Variants in DLG2 observed in about 807,000 individuals in gnomAD.
DLG2 encodes the protein disks large homolog 2.
Under a neutral mutation model 132.5 loss-of-function variants are expected in DLG2, and 45 were observed. The ratio of observed to expected loss-of-function variants is 0.34; its 90% CI spans 0.27 to 0.44. The LOEUF is 0.44. Among genes scored for constraint, DLG2 ranks in the 20% least tolerant of loss-of-function variants. The pLI, the probability that DLG2 is intolerant of heterozygous loss-of-function variation, is 1.00. For synonymous variants in DLG2, 424 were observed against 419.6 expected, an observed-to-expected ratio of 1.01 and a Z score of -0.13; for missense variants, 1,045 against 1,196.9, an observed-to-expected ratio of 0.87 and a Z score of 1.87.
chr11:84,403,192 T>C (rs912277474), intron 7 of DLG2, among the ~76,000 whole-genome samples: 1 of 152,094 alleles, frequency 6.6e-6, no homozygotes, highest in Non-Finnish European at 1.5e-5. Flanking sequence ...TAAAATACAG[T>C]CCATTTGGGA....
At chr11:83,721,891 G>A (rs993970621) in intron 18 of DLG2, among the ~76,000 whole-genome samples, 1 of 152,098 alleles carries the variant, frequency 6.6e-6, no homozygotes, top group African/African-American at 2.4e-5. Context: ...TTACATTGAA[G>A]AACTCTTGTA....
chr11:83,669,464 T>C (rs2076458400), intron 18 of DLG2, among the ~76,000 whole-genome samples: 1 of 152,162 alleles, frequency 6.6e-6, no homozygotes, highest in Non-Finnish European at 1.5e-5. Context: ...AATGTATACA[T>C]ATATTATAGA....
intron 16 of DLG2, among the ~76,000 whole-genome samples, chr11:83,866,529 T>C (rs936086395): frequency 3.3e-5 from 5 of 152,092 alleles, no homozygotes; most frequent in Non-Finnish European, 5.9e-5. Context: ...TTAATAACTG[T>C]GAGTACTGAT....
At chr11:85,488,337 C>T (rs928566870) in intron 3 of DLG2, among the ~76,000 whole-genome samples, 1 of 151,514 alleles carries the variant, frequency 6.6e-6, no homozygotes, top group Non-Finnish European at 1.5e-5. Context: ...TGCAGTGAGC[C>T]GAGATCGCAC....
At chr11:84,443,854 T>G (rs939108961) in intron 7 of DLG2, among the ~76,000 whole-genome samples, 1 of 152,142 alleles carries the variant, frequency 6.6e-6, no homozygotes, top group Non-Finnish European at 1.5e-5. Flanking sequence ...TCATGTTTTG[T>G]CATACAGAGC....
intron 6 of DLG2, among the ~76,000 whole-genome samples, chr11:84,835,774 T>C (rs896239871): frequency 6.6e-6 from 1 of 151,808 alleles, no homozygotes; most frequent in Non-Finnish European, 1.5e-5. Context: ...TTATATTAAA[T>C]ATATTTTAAT....
intron 4 of DLG2, among the ~76,000 whole-genome samples, chr11:85,181,531 T>C (rs2079703358): frequency 6.6e-6 from 1 of 151,860 alleles, no homozygotes; most frequent in South Asian, 2.1e-4. Flanking sequence ...ATAATTGCAG[T>C]TCTCCTTTTA....
intron 6 of DLG2, among the ~76,000 whole-genome samples, chr11:84,882,693 CA>C (rs2087545175): frequency 1.3e-5 from 2 of 152,070 alleles, no homozygotes; most frequent in Non-Finnish European, 2.9e-5. Context: ...TATTCACTTA[CA>C]TGAAGTAATG....
chr11:84,620,858 T>G (rs2099612608), intron 6 of DLG2, among the ~76,000 whole-genome samples: 1 of 152,136 alleles, frequency 6.6e-6, no homozygotes, highest in Admixed American at 6.5e-5. Context: ...CTAAGGAAAC[T>G]TGTGTACTGA....
At chr11:84,268,356 T>G (rs1276443322) in intron 7 of DLG2, among the ~76,000 whole-genome samples, 1 of 152,190 alleles carries the variant, frequency 6.6e-6, no homozygotes, top group Non-Finnish European at 1.5e-5. Flanking sequence ...CTTCTTACTC[T>G]AATGAGGTGG....
At position 84,549,550 on chromosome 11, in the gene DLG2, C is replaced by A. The variant is rs988009446; in HGVS notation, c.358-14819G>T. Among the ~76,000 whole-genome samples, 8 of 152,106 alleles carry A rather than the reference C, an allele frequency of 5.3e-5. No individual in the cohort carries two copies. The East Asian group carries it at 1.2e-3, about 22-fold the overall frequency. On this transcript the variant is annotated intron_variant, in intron 6 of 27. Transcript: ENST00000376104. ...TGCAGCTCAGTTCCTGGGTTTAAAT[C>A]CTGTTCCTGCACCAACCAGCAGTGC...
intron 4 of DLG2, among the ~76,000 whole-genome samples, chr11:85,250,372 G>A (rs2076339107): frequency 6.6e-6 from 1 of 152,038 alleles, no homozygotes; most frequent in Non-Finnish European, 1.5e-5. Flanking sequence ...CAACATATAT[G>A]CTTATTCTTT....
intron 14 of DLG2, among the ~76,000 whole-genome samples, chr11:83,948,614 GAAAAA>G (rs3040355): frequency 6.7e-6 from 1 of 148,174 alleles, no homozygotes; most frequent in African/African-American, 2.5e-5. Context: ...TGTAGTACTG[GAAAAA>G]AAAAAAAAAG....
intron 6 of DLG2, among the ~76,000 whole-genome samples, chr11:84,781,899 G>C (rs1406675469): frequency 1.3e-5 from 2 of 152,068 alleles, no homozygotes; most frequent in African/African-American, 4.8e-5. Flanking sequence ...GCAGAGGGCA[G>C]GGTCTAAGAC....
intron 11 of DLG2, among the ~76,000 whole-genome samples, chr11:84,038,584 A>G (rs764257864): frequency 5.3e-5 from 8 of 152,020 alleles, no homozygotes; most frequent in Non-Finnish European, 1.2e-4. Context: ...AGAAAAACTA[A>G]ATTTTCTTCC....
At chr11:84,124,597 A>G (rs1157832047) in intron 9 of DLG2, among the ~76,000 whole-genome samples, 2 of 152,110 alleles carry the variant, frequency 1.3e-5, no homozygotes, top group Non-Finnish European at 2.9e-5. Flanking sequence ...TCTCCTTCCC[A>G]TTTTCTCTCT....
At chr11:84,868,073 C>T (rs952769450) in intron 6 of DLG2, among the ~76,000 whole-genome samples, 22 of 148,186 alleles carry the variant, frequency 1.5e-4, no homozygotes, top group African/African-American at 5.2e-4. Flanking sequence ...GGTTCCGTCT[C>T]AAAATAATAA....
intron 7 of DLG2, among the ~76,000 whole-genome samples, chr11:84,530,758 C>G (rs1004512059): frequency 6.6e-6 from 1 of 152,150 alleles, no homozygotes; most frequent in Non-Finnish European, 1.5e-5. Flanking sequence ...TTCGACCAAG[C>G]AATCTCATTA....
intron 6 of DLG2, among the ~76,000 whole-genome samples, chr11:84,849,892 CAT>C (rs1023070298): frequency 6.6e-6 from 1 of 152,072 alleles, no homozygotes; most frequent in African/African-American, 2.4e-5. Context: ...TTGGCAGTAA[CAT>C]ATTGCTATTG....
Sources: allele counts gnomAD v4.1 joint callset (sites outside exome capture counted in the v4.1 genomes callset), GRCh38; gene constraint gnomAD v4.1.1; transcripts MANE v1.5; gene names NCBI Gene and HGNC (gene_info 2026-07-23, HGNC 2026-07-21).